Variants in SDK1 observed in about 807,000 individuals in gnomAD.
SDK1 encodes the protein sidekick cell adhesion molecule 1.
SDK1 carries 157 observed loss-of-function variants against 245.5 expected under a neutral mutation model. That is an observed-to-expected ratio of 0.64 (90% confidence interval 0.56 to 0.73). The LOEUF is 0.73. Ranked by LOEUF, SDK1 falls within the 30% of genes least tolerant of loss-of-function variation. The probability of loss-of-function intolerance (pLI) is 0.00; values close to 1 mark genes in which losing one functional copy is unlikely to be tolerated. For synonymous variants in SDK1, 1,647 were observed against 1,278.5 expected, an observed-to-expected ratio of 1.29 and a Z score of -6.15; for missense variants, 3,583 against 3,002.3, an observed-to-expected ratio of 1.19 and a Z score of -4.52.
At chr7:3,484,475 A>G (rs141960887) in intron 1 of SDK1, among the ~76,000 whole-genome samples, 58 of 152,250 alleles carry the variant, frequency 3.8e-4, no homozygotes, top group African/African-American at 1.3e-3. Context: ...GAACGGCTAT[A>G]TTTTCAGTTT....
rs374958905 is a variant in SDK1 at position 4,139,493 on chromosome 7, A to G, written c.4229-6229A>G. Among the ~76,000 whole-genome samples the G allele has an allele frequency of 3.3e-3, 172 of 52,156 alleles. 6 individuals are homozygous for G. Among genetic ancestry groups the G allele is most frequent in the Middle Eastern group, 0.016 (1 of 64 alleles). The allele number at this position is 52,156 out of a possible 152,430, so 34.2% of individuals were successfully genotyped here. The stretch of plus-strand genomic sequence containing the variant: ...TGTGTGTGTATATGTGTGTGTATAT[A>G]TGTGTGTGTGTATATGTATATATGT... On this transcript the variant is annotated intron_variant, in intron 28 of 44. Coordinates refer to ENST00000404826, the MANE Select transcript of SDK1 (RefSeq NM_152744.4).
At chr7:3,674,976 A>G (rs796517339) in intron 4 of SDK1, among the ~76,000 whole-genome samples, 12 of 152,224 alleles carry the variant, frequency 7.9e-5, no homozygotes, top group African/African-American at 2.6e-4. Flanking sequence ...CTGAGGAACA[A>G]TAGTCTTCTT....
At chr7:3,997,561 G>A (rs73673218) in intron 14 of SDK1, among the ~76,000 whole-genome samples, 10,394 of 152,140 alleles carry the variant, frequency 0.068, 1,118 homozygotes, top group African/African-American at 0.23. Flanking sequence ...TGGAGAGGTT[G>A]TTCAATGTCT....
At chr7:3,562,224 C>A (rs762004716) in intron 1 of SDK1, among the ~76,000 whole-genome samples, 1 of 152,204 alleles carries the variant, frequency 6.6e-6, no homozygotes, top group African/African-American at 2.4e-5. Context: ...GATTCCAGAC[C>A]GTATTCTACC....
intron 2 of SDK1, among the ~76,000 whole-genome samples, chr7:3,632,310 T>C (rs936175646): frequency 1.3e-5 from 2 of 152,216 alleles, no homozygotes; most frequent in African/African-American, 2.4e-5. Context: ...CAAAGCATTG[T>C]TTATTTTAGA....
At chr7:3,384,390 A>G (rs2128567888) in intron 1 of SDK1, among the ~76,000 whole-genome samples, 1 of 152,214 alleles carries the variant, frequency 6.6e-6, no homozygotes, top group Non-Finnish European at 1.5e-5. Flanking sequence ...TTTTTCAGGG[A>G]TGCTTTTCCA....
At chr7:4,258,394 G>A (rs969908669) in intron 44 of SDK1, among the ~76,000 whole-genome samples, 4 of 152,164 alleles carry the variant, frequency 2.6e-5, no homozygotes, top group African/African-American at 9.7e-5. Context: ...GGGTCACCGA[G>A]TGGGTGCAAG....
intron 4 of SDK1, among the ~76,000 whole-genome samples, chr7:3,680,571 A>G (rs1037674031): frequency 1.3e-5 from 2 of 152,148 alleles, no homozygotes; most frequent in African/African-American, 4.8e-5. Context: ...ACTTTGGGGG[A>G]AATTAGATGA....
At chr7:4,194,904 C>T (rs921531159) in intron 35 of SDK1, among the ~76,000 whole-genome samples, 9 of 152,190 alleles carry the variant, frequency 5.9e-5, no homozygotes, top group African/African-American at 1.9e-4. Flanking sequence ...GTCATTCTTA[C>T]ACCTAAGAAA....
At chr7:3,491,014 C>T (rs931444920) in intron 1 of SDK1, among the ~76,000 whole-genome samples, 12 of 152,328 alleles carry the variant, frequency 7.9e-5, no homozygotes, top group African/African-American at 2.9e-4. Context: ...TTGCCTGTGC[C>T]ATGTGCCCTG....
chr7:3,714,381 GTTA>G (rs1176966761), intron 4 of SDK1, among the ~76,000 whole-genome samples: 2 of 152,212 alleles, frequency 1.3e-5, no homozygotes, highest in African/African-American at 2.4e-5. Context: ...CCATAGGGAT[GTTA>G]TTATCTTTTT....
chr7:3,967,251 C>G (rs1782145936), intron 9 of SDK1, 67 bp from the exon 10 acceptor site: 7 of 1,249,982 alleles, frequency 5.6e-6, no homozygotes, highest in Non-Finnish European at 8.2e-6. Context: ...GTGCAGGATA[C>G]TCTGCCAGGC....
rs550059692 is a variant in SDK1, at chr7:3,474,574, CT to C, written c.299-144504del. On this transcript the variant is annotated intron_variant, in intron 1 of 44. Coordinates refer to ENST00000404826, the MANE Select transcript of SDK1 (RefSeq NM_152744.4). ...TTTACCTCTCCCTCACACTTTGTGT[CT>C]TACCTGTTACCGTCTTGCCACCTCT... Among the ~76,000 whole-genome samples, 639 of 152,270 alleles carry C rather than the reference CT, an allele frequency of 4.2e-3. 4 individuals carry two copies. The highest frequency in any genetic ancestry group is 6.9e-3 in the Non-Finnish European group (471 of 68,022).
intron 17 of SDK1, among the ~76,000 whole-genome samples, chr7:4,034,974 T>A (rs1011840003): frequency 6.6e-6 from 1 of 152,216 alleles, no homozygotes; most frequent in Admixed American, 6.5e-5. Flanking sequence ...TATCTATTCA[T>A]AGCACTAAAT....
intron 1 of SDK1, among the ~76,000 whole-genome samples, chr7:3,423,633 T>G (rs1477285576): frequency 6.6e-6 from 1 of 152,096 alleles, no homozygotes; most frequent in African/African-American, 2.4e-5. Context: ...GAGGTATATT[T>G]CCAGGTAGGA....
chr7:3,651,324 A>G (rs534590678), intron 4 of SDK1, among the ~76,000 whole-genome samples: 1 of 152,022 alleles, frequency 6.6e-6, no homozygotes, highest in African/African-American at 2.4e-5. Flanking sequence ...TCACTTCTCT[A>G]ATGGCTAATG....
In SDK1 at chr7:4,139,533, G is replaced by GTGTATA. The variant is rs1779360688; in HGVS notation, c.4229-6187_4229-6182dup. ...TGTATATATGTGTGTGTATGTGTGT[G>GTGTATA]TGTATATATGTGTGTGTATATGTAT... On this transcript the variant is annotated intron_variant, in intron 28 of 44. Transcript: ENST00000404826. 4.3e-4 allele frequency among the ~76,000 whole-genome samples: 5 copies of GTGTATA among 11,624 alleles called. 2 individuals carry two copies. Among genetic ancestry groups the GTGTATA allele is most frequent in the East Asian group, 6.8e-3 (1 of 146 alleles). The allele number at this position is 11,624 out of a possible 152,430, so 7.6% of individuals were successfully genotyped here.
intron 4 of SDK1, among the ~76,000 whole-genome samples, chr7:3,718,572 TAAATAAATAAATAAATATCTAA>T (rs1785272615): frequency 7.2e-6 from 1 of 138,680 alleles, no homozygotes; most frequent in Admixed American, 7.1e-5. Context: ...AATAAATAAA[TAAATAAATAAATAAATATCTAA>T]CACTCATTCA....
chr7:3,915,675 T>A (rs562046342), intron 5 of SDK1, among the ~76,000 whole-genome samples: 1 of 152,178 alleles, frequency 6.6e-6, no homozygotes, highest in Non-Finnish European at 1.5e-5. Context: ...AGCGTGAGAA[T>A]GAGCTAATAC....
Sources: gnomAD v4.1 joint callset for allele counts (sites outside exome capture counted in the v4.1 genomes callset) on GRCh38, gnomAD v4.1.1 for gene constraint, MANE v1.5 for transcripts, NCBI Gene and HGNC (gene_info 2026-07-23, HGNC 2026-07-21) for gene names.